The following SRGAP1 variants were observed in gnomAD, a reference collection of about 807,000 sequenced individuals.
SRGAP1 encodes the protein SLIT-ROBO Rho GTPase activating protein 1.
A neutral mutation model predicts 121.9 loss-of-function variants in SRGAP1; 43 were observed. The observed-to-expected ratio is 0.35, with a 90% CI of 0.28 to 0.46. The LOEUF is 0.46. Among genes scored for constraint, SRGAP1 ranks in the 20% least tolerant of loss-of-function variants. SRGAP1 has a pLI of 1.00. For synonymous variants in SRGAP1, 447 were observed against 485.4 expected (o/e 0.92, Z 1.04); for missense variants, 1,102 against 1,350.9 (o/e 0.82, Z 2.89).
intron 6 of SRGAP1, among the ~76,000 whole-genome samples, chr12:64,057,733 A>G (rs1194371055): frequency 6.6e-6 from 1 of 152,212 alleles, no homozygotes; most frequent in African/African-American, 2.4e-5. Context: ...AGACCAGAGT[A>G]TAGAAATGAA....
chr12:64,104,416 A>AT (rs1184458956), intron 15 of SRGAP1, among the ~76,000 whole-genome samples: 1 of 152,126 alleles, frequency 6.6e-6, no homozygotes, highest in Non-Finnish European at 1.5e-5. Context: ...TGAAATACTG[A>AT]TTTTCCCCAC....
chr12:63,896,331 C>G (rs1012043161), intron 1 of SRGAP1, among the ~76,000 whole-genome samples: 6 of 152,048 alleles, frequency 3.9e-5, no homozygotes, highest in Non-Finnish European at 5.9e-5. Flanking sequence ...ATCTTGATCA[C>G]CAAAAGATAG....
chr12:64,058,853 C>T (rs1333483474), intron 6 of SRGAP1, among the ~76,000 whole-genome samples: 1 of 151,784 alleles, frequency 6.6e-6, no homozygotes, highest in Non-Finnish European at 1.5e-5. Flanking sequence ...CTTGCTGTCT[C>T]AGGAGACCTT....
chr12:64,147,455 G>A lies in SRGAP1; in HGVS notation c.*4783G>A, dbSNP rs557909428. ...CCCCATCCCCGCCTTCCTGTGCCTC[G>A]GTGCTCAGTAATGTCCCATCTCACC... On this transcript the variant is annotated 3_prime_UTR_variant, in exon 22 of 22. Coordinates refer to ENST00000355086, the MANE Select transcript of SRGAP1 (RefSeq NM_020762.4). 1.2e-5 allele frequency: 3 copies of A among 243,424 alleles called. No homozygotes were observed. Among genetic ancestry groups the A allele is most frequent in the South Asian group, 1.7e-4 (1 of 5,892 alleles). 15.1% of individuals were successfully genotyped at this position (243,424 alleles called of 1,614,324 possible). A position where few individuals can be genotyped will look rare whatever the true frequency, so the allele number is the denominator to read the frequency against.
At chr12:64,122,506 T>C (rs1389280943) in intron 18 of SRGAP1, among the ~76,000 whole-genome samples, 2 of 152,182 alleles carry the variant, frequency 1.3e-5, no homozygotes, top group African/African-American at 4.8e-5. Flanking sequence ...TGTACTAGGA[T>C]TGCCAATAAA....
In SRGAP1 at chr12:63,981,517, T is replaced by G. The variant is rs114236223; in HGVS notation, c.68-2430T>G. On this transcript the variant is annotated intron_variant, in intron 1 of 21. Coordinates refer to ENST00000355086, the MANE Select transcript of SRGAP1 (RefSeq NM_020762.4). ...GGGAAACACTCCACCCTTGATATAT[T>G]CTTTTTCTTCATGAAACAAAAAGAG... 7.8e-3 allele frequency among the ~76,000 whole-genome samples: 1,192 copies of G among 152,346 alleles called. 14 individuals are homozygous for G. Among genetic ancestry groups the G allele is most frequent in the African/African-American group, 0.027 (1,115 of 41,580 alleles).
At chr12:63,894,946 C>T (rs1462268038) in intron 1 of SRGAP1, among the ~76,000 whole-genome samples, 2 of 150,360 alleles carry the variant, frequency 1.3e-5, no homozygotes, top group African/African-American at 2.5e-5. Context: ...GTGCATGTGC[C>T]TTTATAGCAG....
intron 1 of SRGAP1, among the ~76,000 whole-genome samples, chr12:63,859,298 T>C (rs941149234): frequency 6.6e-6 from 1 of 152,146 alleles, no homozygotes; most frequent in Non-Finnish European, 1.5e-5. Flanking sequence ...TAGCTGGGAT[T>C]ACAGGTATGC....
At chr12:63,960,377 G>A (rs571370607) in intron 1 of SRGAP1, among the ~76,000 whole-genome samples, 12 of 152,008 alleles carry the variant, frequency 7.9e-5, no homozygotes, top group East Asian at 5.8e-4. Context: ...GCTGGTTTTC[G>A]GCTTCTCTTT....
chr12:64,072,152 G>GTGTGTGTGT (rs1169791185), intron 8 of SRGAP1, among the ~76,000 whole-genome samples: 1 of 50,432 alleles, frequency 2.0e-5, no homozygotes, highest in African/African-American at 4.6e-5. Flanking sequence ...GTGTGTGGGC[G>GTGTGTGTGT]GCGGGGGGGG....
At chr12:63,939,972 T>C (rs1046494339) in intron 1 of SRGAP1, among the ~76,000 whole-genome samples, 1 of 152,042 alleles carries the variant, frequency 6.6e-6, no homozygotes. Context: ...CTTTTCTTTT[T>C]TTTTTGAGAC....
intron 15 of SRGAP1, among the ~76,000 whole-genome samples, chr12:64,099,931 A>G (rs919184468): frequency 6.6e-6 from 1 of 152,226 alleles, no homozygotes; most frequent in Non-Finnish European, 1.5e-5. Context: ...CTGAGGCCAT[A>G]GAGTCAGAAA....
chr12:64,122,118 A>G (rs892802305), intron 18 of SRGAP1, among the ~76,000 whole-genome samples: 2 of 152,216 alleles, frequency 1.3e-5, no homozygotes, highest in Non-Finnish European at 2.9e-5. Flanking sequence ...CACATTTTAT[A>G]TAACATTACA....
At chr12:63,865,224 A>G (rs902190718) in intron 1 of SRGAP1, among the ~76,000 whole-genome samples, 1 of 152,166 alleles carries the variant, frequency 6.6e-6, no homozygotes, top group African/African-American at 2.4e-5. Context: ...TGGGAGGCTG[A>G]GGCGGGCAGA....
At chr12:63,939,962 C>T (rs1380796568) in intron 1 of SRGAP1, among the ~76,000 whole-genome samples, 1 of 151,420 alleles carries the variant, frequency 6.6e-6, no homozygotes, top group South Asian at 2.1e-4. Context: ...TCTCTCTTTT[C>T]TTTTCTTTTT....
intron 21 of SRGAP1, among the ~76,000 whole-genome samples, chr12:64,137,961 A>AAATATATATAT (rs372355390): frequency 1.2e-3 from 169 of 139,670 alleles, no homozygotes; most frequent in African/African-American, 3.8e-3. Flanking sequence ...TTAAAAAAAA[A>AAATATATATAT]ATATATATAT....
rs1303872922 is a variant in SRGAP1, at chr12:64,145,214, A to C, written c.*2542A>C. On this transcript the variant is annotated 3_prime_UTR_variant, in exon 22 of 22. Transcript: ENST00000355086. ...GAAGAGTAAGATGTTAACAGAGGGC[A>C]TCAAAGGGCCAGAGGTGTCTTTGAA... is the stretch of plus-strand genomic sequence containing the variant. 6.6e-6 allele frequency: 1 copy of C among 152,234 alleles called. No individual in the cohort carries two copies. The highest frequency in any genetic ancestry group is 1.5e-5 in the Non-Finnish European group (1 of 68,052). The allele number at this position is 152,234 out of a possible 1,614,324, so 9.4% of individuals were successfully genotyped here.
chr12:64,141,716 C>G (rs1190708280), intron 21 of SRGAP1, among the ~76,000 whole-genome samples: 2 of 152,118 alleles, frequency 1.3e-5, no homozygotes, highest in African/African-American at 2.4e-5. Context: ...CTTTAGGAGG[C>G]AGAGGCAGGA....
chr12:64,107,731 A>G (rs988450338), intron 15 of SRGAP1, among the ~76,000 whole-genome samples: 1 of 152,210 alleles, frequency 6.6e-6, no homozygotes, highest in African/African-American at 2.4e-5. Flanking sequence ...ATTTTCATGA[A>G]TATCTCAAGC....
Sources: allele counts gnomAD v4.1 joint callset (sites outside exome capture counted in the v4.1 genomes callset), GRCh38; gene constraint gnomAD v4.1.1; transcripts MANE v1.5; gene names NCBI Gene and HGNC (gene_info 2026-07-23, HGNC 2026-07-21).